Variants in SLC28A3 observed in about 807,000 individuals in gnomAD.
SLC28A3 encodes the protein solute carrier family 28 member 3.
In SLC28A3, 68 loss-of-function variants were observed where a neutral mutation model predicts 84.2. The observed-to-expected ratio is 0.81, with a 90% confidence interval of 0.66 to 0.99. The LOEUF (loss-of-function observed/expected upper bound fraction) is 0.99. Among genes scored for constraint, SLC28A3 ranks in the 50% least tolerant of loss-of-function variants. The pLI, the probability that SLC28A3 is intolerant of heterozygous loss-of-function variation, is 0.00. For missense variants in SLC28A3, 712 were observed against 841.5 expected (o/e 0.85, Z 1.90); for synonymous variants, 267 against 303.6 (o/e 0.88, Z 1.25).
intron 9 of SLC28A3, 70 bp from the exon 10 acceptor site, chr9:84,292,818 A>T: frequency 9.4e-7 from 1 of 1,067,888 alleles, no homozygotes. Flanking sequence ...GTAGGGATTA[A>T]AATCCTTAAA....
chr9:84,362,918 T>G, the SLC28A3 span, among the ~76,000 whole-genome samples: 1 of 152,096 alleles, frequency 6.6e-6, no homozygotes, highest in Non-Finnish European at 1.5e-5. Context: ...AACAGATTTA[T>G]AAATCTAATA....
At chr9:84,327,879 T>C (rs1826624617) in intron 1 of SLC28A3, among the ~76,000 whole-genome samples, 1 of 147,394 alleles carries the variant, frequency 6.8e-6, no homozygotes. Flanking sequence ...TCAGCCAACA[T>C]TGTGCCACCT....
intron 1 of SLC28A3, among the ~76,000 whole-genome samples, chr9:84,326,669 CAACAACAACAACA>C (rs1826565565): frequency 6.6e-6 from 1 of 151,624 alleles, no homozygotes; most frequent in Non-Finnish European, 1.5e-5. Flanking sequence ...ACAACAACAA[CAACAACAACAACA>C]ACCAGGTCTT....
intron 3 of SLC28A3, among the ~76,000 whole-genome samples, chr9:84,308,184 T>G (rs769685199): frequency 6.6e-6 from 1 of 152,170 alleles, no homozygotes; most frequent in African/African-American, 2.4e-5. Context: ...GAGGCTGCAG[T>G]GAGCTTGACA....
intron 1 of SLC28A3, among the ~76,000 whole-genome samples, chr9:84,330,835 C>T (rs1209736718): frequency 1.3e-5 from 2 of 152,000 alleles, no homozygotes; most frequent in Non-Finnish European, 1.5e-5. Context: ...AAGAGTTATA[C>T]CTACTTTATT....
chr9:84,295,020 G>A (rs1435051015), intron 8 of SLC28A3, among the ~76,000 whole-genome samples: 4 of 151,998 alleles, frequency 2.6e-5, no homozygotes, highest in Non-Finnish European at 5.9e-5. Context: ...AAACAGTAGC[G>A]GTTCTCCTCT....
chr9:84,286,823 T>C (rs986655022), intron 12 of SLC28A3, among the ~76,000 whole-genome samples: 1 of 152,112 alleles, frequency 6.6e-6, no homozygotes, highest in Non-Finnish European at 1.5e-5. Flanking sequence ...CATCCTCCCC[T>C]CTAATCTCAG....
the SLC28A3 span, among the ~76,000 whole-genome samples, chr9:84,367,912 C>G: frequency 6.6e-6 from 1 of 152,214 alleles, no homozygotes; most frequent in Non-Finnish European, 1.5e-5. Context: ...CGGCTTCACA[C>G]GGAGACATTC....
chr9:84,320,385 C>T (rs1325013152), intron 1 of SLC28A3, among the ~76,000 whole-genome samples: 1 of 152,028 alleles, frequency 6.6e-6, no homozygotes, highest in Non-Finnish European at 1.5e-5. Context: ...CCATGGAAAT[C>T]ACCCTTGCCA....
chr9:84,281,195 A>G (rs66851409), intron 14 of SLC28A3, among the ~76,000 whole-genome samples: 20,402 of 152,100 alleles, frequency 0.13, 1,925 homozygotes, highest in East Asian at 0.41. Flanking sequence ...CATCTGCTAC[A>G]GTGTGCCAGG....
At chr9:84,295,495 G>A (rs949690782) in intron 8 of SLC28A3, among the ~76,000 whole-genome samples, 2 of 152,138 alleles carry the variant, frequency 1.3e-5, no homozygotes, top group East Asian at 3.9e-4. Context: ...TGAGGCAGGA[G>A]GATTGCTTGA....
intron 1 of SLC28A3, among the ~76,000 whole-genome samples, chr9:84,320,281 C>G (rs1259107493): frequency 6.6e-6 from 1 of 151,926 alleles, no homozygotes; most frequent in East Asian, 1.9e-4. Context: ...TCTTGAACCC[C>G]TGGCCTCAAA....
chr9:84,341,539 T>A (rs922894036), upstream of SLC28A3, among the ~76,000 whole-genome samples: 8 of 152,192 alleles, frequency 5.3e-5, no homozygotes, highest in African/African-American at 1.9e-4. Flanking sequence ...TTGTTTAGTG[T>A]CATTTAGCTA....
intron 3 of SLC28A3, 97 bp downstream of exon 3, chr9:84,309,523 CAAAAAAAAA>C (rs71366931): frequency 2.8e-4 from 66 of 239,254 alleles, no homozygotes; most frequent in African/African-American, 6.0e-4. Context: ...ACTCTTATCT[CAAAAAAAAA>C]AAAAAAAAAA....
chr9:84,339,269 A>G (rs1827079838), intron 1 of SLC28A3, among the ~76,000 whole-genome samples: 1 of 151,818 alleles, frequency 6.6e-6, no homozygotes. Context: ...TATTTTTTTG[A>G]GACTGAGTCT....
At position 84,290,262 on chromosome 9, in the gene SLC28A3, C is replaced by T. The variant is rs140738175; in HGVS notation, c.1041G>A (p.Leu347=). The T allele has an allele frequency of 6.3e-5, 101 of 1,613,912 alleles. No homozygotes were observed. In the African/African-American group the frequency reaches 1.3e-3, roughly 20 times the overall value. Reference sequence around the variant, plus strand: ...TGATGTAAGGTAAATATGGTCGGACCAGCAGTGGAGACTCCGTCTGGAGAC... The same window carrying T: ...TGATGTAAGGTAAATATGGTCGGACTAGCAGTGGAGACTCCGTCTGGAGAC... ...IFVGQTESPL[L]VRPYLPYITK... Residue 347 remains leucine (L), a synonymous_variant, in exon 11 of 18, where the codon CTG becomes CTA. Transcript: ENST00000376238.
intron 1 of SLC28A3, among the ~76,000 whole-genome samples, chr9:84,321,704 A>G (rs1826384067): frequency 7.0e-6 from 1 of 141,974 alleles, no homozygotes; most frequent in South Asian, 2.3e-4. Context: ...ACTGCACTCT[A>G]GCCTGGGCAA....
intron 10 of SLC28A3, 48 bp from the exon 11 acceptor site, chr9:84,290,327 G>A (rs376656524): frequency 3.8e-6 from 6 of 1,598,992 alleles, no homozygotes; most frequent in African/African-American, 1.3e-5. Flanking sequence ...TCTGTGTGGG[G>A]GCAGGGGAAG....
At chr9:84,300,578 G>A (rs749984665) in intron 5 of SLC28A3, among the ~76,000 whole-genome samples, 3 of 152,170 alleles carry the variant, frequency 2.0e-5, no homozygotes, top group Middle Eastern at 3.2e-3. Flanking sequence ...GATTGCACAA[G>A]CCCAGTTTAA....
Sources: gnomAD v4.1 joint callset for allele counts (sites outside exome capture counted in the v4.1 genomes callset) on GRCh38, gnomAD v4.1.1 for gene constraint, MANE v1.5 for transcripts, NCBI Gene and HGNC (gene_info 2026-07-23, HGNC 2026-07-21) for gene names.